The following TMC5 variants were observed in gnomAD, a reference collection of about 807,000 sequenced individuals.
TMC5 encodes transmembrane channel like 5.
In TMC5, 86 loss-of-function variants were observed where a neutral mutation model predicts 110.5. The ratio of observed to expected loss-of-function variants is 0.78; its 90% CI spans 0.65 to 0.93. The LOEUF (loss-of-function observed/expected upper bound fraction) is 0.93. Among genes scored for constraint, TMC5 ranks in the 40% least tolerant of loss-of-function variants. The pLI is 0.00. For synonymous variants in TMC5, 455 were observed against 439.5 expected (o/e 1.04, Z -0.44); for missense variants, 1,144 against 1,222.8 (o/e 0.94, Z 0.96).
chr16:19,483,765 T>G (rs1968671270), intron 15 of TMC5, among the ~76,000 whole-genome samples: 1 of 142,274 alleles, frequency 7.0e-6, no homozygotes, highest in African/African-American at 2.8e-5. Flanking sequence ...GCAGCGAGAG[T>G]GAAACTCTGT....
intron 4 of TMC5, among the ~76,000 whole-genome samples, chr16:19,444,858 G>A (rs1967576340): frequency 6.6e-6 from 1 of 152,230 alleles, no homozygotes; most frequent in Non-Finnish European, 1.5e-5. Flanking sequence ...AAGGCTGGGT[G>A]TGGTGGCTCA....
In TMC5 at chr16:19,444,170, C is replaced by G. The variant is rs897261862; in HGVS notation, c.878C>G (p.Pro293Arg). 1.9e-6 allele frequency: 3 copies of G among 1,614,070 alleles called. No individual in the cohort carries two copies. Among genetic ancestry groups the G allele is most frequent in the Non-Finnish European group, 2.5e-6 (3 of 1,180,022 alleles). Residue 293 changes from proline (P) to arginine (R), a missense_variant, in exon 4 of 22, where the codon CCT becomes CGT. By Grantham distance (103) the Pro-to-Arg change is moderately radical. Transcript: ENST00000542583. ...VGSLWGENDY[P>R]EGIEMASMEM... ...AGTCTTTGGGGAGAGAATGATTACC[C>G]TGAAGGCATTGAAATGGCATCCATG... is the stretch of plus-strand genomic sequence containing the variant.
intron 17 of TMC5, among the ~76,000 whole-genome samples, chr16:19,489,718 C>G (rs1292043962): frequency 6.7e-6 from 1 of 148,930 alleles, no homozygotes; most frequent in Non-Finnish European, 1.5e-5. Context: ...CTCTTGGCCT[C>G]AAGAGATCCT....
intron 12 of TMC5, among the ~76,000 whole-genome samples, chr16:19,475,763 TCCCTACCA>T (rs969720403): frequency 2.0e-5 from 3 of 149,218 alleles, no homozygotes; most frequent in Non-Finnish European, 4.5e-5. Flanking sequence ...AAATAACAGC[TCCCTACCA>T]CCTTTTCTCC....
rs1968181551 is a variant in TMC5, at chr16:19,466,089, T to G, written c.1493T>G (p.Phe498Cys). Residue 498 changes from phenylalanine (F) to cysteine (C), a missense_variant, in exon 9 of 22, where the codon TTT becomes TGT. Transcript: ENST00000542583. ...GLEFFTGVGY[F>C]RDTVMYYGFY... ...GTTTATTGTACCTTTCAGGGTTATT[T>G]TAGGGACACAGTGATGTACTATGGC... 6.2e-7 allele frequency: 1 copy of G among 1,613,940 alleles called. No homozygotes were observed. The highest frequency in any genetic ancestry group is 1.1e-5 in the South Asian group (1 of 91,038).
intron 5 of TMC5, among the ~76,000 whole-genome samples, chr16:19,454,277 C>T (rs891324722): frequency 3.3e-5 from 5 of 152,128 alleles, no homozygotes; most frequent in African/African-American, 1.2e-4. Flanking sequence ...AACTCCTGGC[C>T]TCAAGTGATC....
chr16:19,479,142 G>A (rs1046627668), intron 13 of TMC5, among the ~76,000 whole-genome samples: 2 of 152,178 alleles, frequency 1.3e-5, no homozygotes, highest in Non-Finnish European at 1.5e-5. Flanking sequence ...AGAGGGGATA[G>A]GGCAGGGAAG....
At chr16:19,427,499 CG>C (rs1423931337) in intron 1 of TMC5, among the ~76,000 whole-genome samples, 1 of 152,060 alleles carries the variant, frequency 6.6e-6, no homozygotes, top group African/African-American at 2.4e-5. Context: ...ATCTAGTTCC[CG>C]AGCTGGCCAT....
intron 6 of TMC5, among the ~76,000 whole-genome samples, chr16:19,461,642 G>A (rs1391762682): frequency 6.6e-6 from 1 of 151,986 alleles, no homozygotes; most frequent in African/African-American, 2.4e-5. Context: ...ATAAGCTCAG[G>A]AATTCAAAAC....
At chr16:19,434,357 TTA>T (rs1327145909) in intron 2 of TMC5, among the ~76,000 whole-genome samples, 33 of 108,022 alleles carry the variant, frequency 3.1e-4, no homozygotes, top group Admixed American at 7.7e-4. Flanking sequence ...ATGATCTATA[TTA>T]TATATATAAT....
At chr16:19,418,682 C>A (rs941713715) in intron 1 of TMC5, among the ~76,000 whole-genome samples, 5 of 150,434 alleles carry the variant, frequency 3.3e-5, no homozygotes, top group African/African-American at 1.2e-4. Flanking sequence ...TCATCCTTCT[C>A]ATTTTTCTCA....
intron 9 of TMC5, 107 bp downstream of exon 9, chr16:19,466,340 C>T: frequency 9.2e-7 from 1 of 1,089,158 alleles, no homozygotes; most frequent in Non-Finnish European, 1.3e-6. Flanking sequence ...CAGTCCTCTC[C>T]TCTCCTCTCC....
At chr16:19,434,499 G>C in intron 2 of TMC5, among the ~76,000 whole-genome samples, 1 of 127,100 alleles carries the variant, frequency 7.9e-6, no homozygotes. Flanking sequence ...TAGATATAGA[G>C]AGAGAGAGAG....
upstream of TMC5, among the ~76,000 whole-genome samples, chr16:19,417,535 T>C (rs1003431819): frequency 6.7e-6 from 1 of 150,022 alleles, no homozygotes; most frequent in African/African-American, 2.5e-5. Context: ...CACCTCACAC[T>C]CTAGGGTTAA....
rs55696911 is a variant in TMC5 at position 19,419,402 on chromosome 16, G to GTTTTTTTT, written c.-308+1331_-308+1338dup. On this transcript the variant is annotated intron_variant, in intron 1 of 21. Coordinates refer to ENST00000542583, the MANE Select transcript of TMC5 (RefSeq NM_001261841.2). ...AAGCTCAGTGGAAATGAATGTGTTG[G>GTTTTTTTT]TTTTTTTTTTTTTTTTTTTTTTTTT... Among the ~76,000 whole-genome samples, 365 of 65,650 alleles carry GTTTTTTTT rather than the reference G, an allele frequency of 5.6e-3. 78 individuals are homozygous for GTTTTTTTT. Among genetic ancestry groups the GTTTTTTTT allele is most frequent in the Non-Finnish European group, 7.1e-3 (257 of 36,054 alleles). The allele number at this position is 65,650 out of a possible 152,430, so 43.1% of individuals were successfully genotyped here.
intron 8 of TMC5, among the ~76,000 whole-genome samples, chr16:19,465,304 C>A (rs192579094): frequency 6.6e-6 from 1 of 151,950 alleles, no homozygotes; most frequent in South Asian, 2.1e-4. Context: ...GAGGCCGAGG[C>A]GGGTGGATCA....
chr16:19,483,685 C>G (rs1378268497), intron 15 of TMC5, among the ~76,000 whole-genome samples: 1 of 151,810 alleles, frequency 6.6e-6, no homozygotes, highest in South Asian at 2.1e-4. Context: ...GGCTGACACA[C>G]AAGAATTGCT....
At chr16:19,495,812 T>C (rs1054836938) in intron 20 of TMC5, among the ~76,000 whole-genome samples, 12 of 151,702 alleles carry the variant, frequency 7.9e-5, no homozygotes, top group Admixed American at 5.3e-4. Flanking sequence ...GCACTCCAGC[T>C]TGGGAGACAG....
chr16:19,497,803 G>A, intron 21 of TMC5, 117 bp from the exon 22 acceptor site: 1 of 846,272 alleles, frequency 1.2e-6, no homozygotes. Context: ...GAAACTAAAA[G>A]GAAGAGGCAA....
Sources: gnomAD v4.1 joint callset for allele counts (sites outside exome capture counted in the v4.1 genomes callset) on GRCh38, gnomAD v4.1.1 for gene constraint, MANE v1.5 for transcripts, NCBI Gene and HGNC (gene_info 2026-07-23, HGNC 2026-07-21) for gene names.